Variants in MAGI2 observed in about 807,000 individuals in gnomAD.
MAGI2 encodes membrane-associated guanylate kinase, WW and PDZ domain-containing protein 2.
In MAGI2, 35 loss-of-function variants were observed where a neutral mutation model predicts 133.3. That is an observed-to-expected ratio of 0.26 (90% confidence interval 0.20 to 0.35). MAGI2 has a LOEUF of 0.35. MAGI2 is among the 10% of genes least tolerant of loss of function. The pLI is 1.00. For synonymous variants in MAGI2, 729 were observed against 710.6 expected, an observed-to-expected ratio of 1.03 and a Z score of -0.41; for missense variants, 1,636 against 1,863.4, an observed-to-expected ratio of 0.88 and a Z score of 2.25.
intron 2 of MAGI2, among the ~76,000 whole-genome samples, chr7:78,906,740 C>T (rs1313656536): frequency 6.9e-6 from 1 of 143,956 alleles, no homozygotes; most frequent in Admixed American, 7.0e-5. Context: ...TATAATAAAG[C>T]TTATAGAAAT....
At chr7:78,441,590 G>A (rs1018542545) in intron 6 of MAGI2, among the ~76,000 whole-genome samples, 1 of 151,442 alleles carries the variant, frequency 6.6e-6, no homozygotes, top group African/African-American at 2.4e-5. Flanking sequence ...TCCTGCTAAT[G>A]TGGTCCCTCT....
chr7:78,816,204 CTCT>C (rs1563539303), intron 2 of MAGI2, among the ~76,000 whole-genome samples: 1 of 152,178 alleles, frequency 6.6e-6, no homozygotes, highest in Non-Finnish European at 1.5e-5. Context: ...AACTCTAACT[CTCT>C]TCAATTCTAT....
At chr7:79,225,280 C>A (rs967150041) in intron 1 of MAGI2, among the ~76,000 whole-genome samples, 3 of 152,152 alleles carry the variant, frequency 2.0e-5, no homozygotes, top group Non-Finnish European at 2.9e-5. Context: ...ATTTTTACAT[C>A]CGAAAACACT....
intron 14 of MAGI2, among the ~76,000 whole-genome samples, chr7:78,172,849 A>G (rs988186038): frequency 2.6e-5 from 4 of 152,214 alleles, no homozygotes; most frequent in Admixed American, 1.3e-4. Context: ...AAAAGCTGGA[A>G]GGAAAGGCTT....
At chr7:79,145,856 T>A (rs1822567078) in intron 1 of MAGI2, among the ~76,000 whole-genome samples, 1 of 152,234 alleles carries the variant, frequency 6.6e-6, no homozygotes, top group Non-Finnish European at 1.5e-5. Context: ...CACTGGACAC[T>A]AATAGAGTGT....
chr7:79,345,027 T>A (rs1841204278), intron 1 of MAGI2, among the ~76,000 whole-genome samples: 2 of 152,084 alleles, frequency 1.3e-5, no homozygotes, highest in Non-Finnish European at 2.9e-5. Context: ...AATGTCCATA[T>A]CCATCTATTT....
chr7:78,219,932 C>G (rs1788641485), intron 10 of MAGI2, among the ~76,000 whole-genome samples: 1 of 152,202 alleles, frequency 6.6e-6, no homozygotes. Flanking sequence ...CCAATCCATT[C>G]TTTCCATTGC....
intron 10 of MAGI2, among the ~76,000 whole-genome samples, chr7:78,228,043 A>G (rs1428114483): frequency 6.6e-6 from 1 of 152,228 alleles, no homozygotes; most frequent in African/African-American, 2.4e-5. Context: ...AAAAGCAGCC[A>G]TTGAGAATGC....
chr7:79,120,725 G>C (rs1020179650), intron 1 of MAGI2, among the ~76,000 whole-genome samples: 1 of 151,990 alleles, frequency 6.6e-6, no homozygotes, highest in Non-Finnish European at 1.5e-5. Context: ...GACTCATTTA[G>C]TGGTTGTTAC....
At chr7:78,875,546 T>C (rs1795352170) in intron 2 of MAGI2, among the ~76,000 whole-genome samples, 1 of 152,066 alleles carries the variant, frequency 6.6e-6, no homozygotes, top group Non-Finnish European at 1.5e-5. Context: ...TGTAGACAAA[T>C]AAATAGTTTG....
At chr7:78,168,149 T>G in intron 14 of MAGI2, 41 bp from the exon 15 acceptor site, 1 of 1,484,222 alleles carries the variant, frequency 6.7e-7, no homozygotes, top group Non-Finnish European at 9.2e-7. Context: ...CACATTTCAA[T>G]CCTTTTTCCT....
Position 78,764,160 on chromosome 7 carries a change from A to G in MAGI2, c.419-136921T>C, listed in dbSNP as rs528810273. Among the ~76,000 whole-genome samples, 36 of 152,340 alleles carry G rather than the reference A, an allele frequency of 2.4e-4. 2 individuals carry two copies. Among genetic ancestry groups the G allele is most frequent in the Admixed American group, 2.4e-3 (36 of 15,304 alleles). ...CTGACTGTAATGAAATGGAAATTCT[A>G]CTATCTATCAATAAGATGATGCTAT... On this transcript the variant is annotated intron_variant, in intron 2 of 21. Transcript: ENST00000354212.
chr7:78,413,532 C>G (rs1374364188), intron 6 of MAGI2, among the ~76,000 whole-genome samples: 6 of 151,990 alleles, frequency 3.9e-5, no homozygotes, highest in Non-Finnish European at 5.9e-5. Context: ...GCCTAATAAA[C>G]AGTTGGAAGT....
At chr7:78,647,622 T>C (rs2151003825) in intron 2 of MAGI2, among the ~76,000 whole-genome samples, 1 of 152,314 alleles carries the variant, frequency 6.6e-6, no homozygotes. Context: ...AAATACCATT[T>C]GACCCAGCAA....
At chr7:79,012,815 G>T (rs1808301883) in intron 1 of MAGI2, among the ~76,000 whole-genome samples, 2 of 108,348 alleles carry the variant, frequency 1.8e-5, no homozygotes, top group South Asian at 5.7e-4. Flanking sequence ...CATTTTTGGA[G>T]TCAGAAAGTC....
intron 2 of MAGI2, among the ~76,000 whole-genome samples, chr7:78,709,340 G>C (rs1041721387): frequency 7.1e-6 from 1 of 140,702 alleles, no homozygotes; most frequent in African/African-American, 2.7e-5. Context: ...CTGTTATTTT[G>C]CTTCCTCTGT....
At chr7:78,876,044 C>T (rs977029892) in intron 2 of MAGI2, among the ~76,000 whole-genome samples, 1 of 151,998 alleles carries the variant, frequency 6.6e-6, no homozygotes, top group South Asian at 2.1e-4. Flanking sequence ...TGGGACATGC[C>T]GGGGGCAGTG....
chr7:79,004,281 A>G (rs2116492323), intron 2 of MAGI2, among the ~76,000 whole-genome samples: 1 of 152,340 alleles, frequency 6.6e-6, no homozygotes, highest in Admixed American at 6.5e-5. Context: ...CAACCATAAA[A>G]AAAATAAAAT....
At chr7:78,745,613 T>G (rs1277602343) in intron 2 of MAGI2, among the ~76,000 whole-genome samples, 1 of 152,150 alleles carries the variant, frequency 6.6e-6, no homozygotes. Flanking sequence ...CTAAGTCCTG[T>G]ACACTGAAGA....
Sources: allele counts gnomAD v4.1 joint callset (sites outside exome capture counted in the v4.1 genomes callset), GRCh38; gene constraint gnomAD v4.1.1; transcripts MANE v1.5; gene names NCBI Gene and HGNC (gene_info 2026-07-23, HGNC 2026-07-21).